The following TAB1 variants were observed in gnomAD, a reference collection of about 807,000 sequenced individuals.
TAB1 encodes the protein TGF-beta activated kinase 1 (MAP3K7) binding protein 1, also known as TGF-beta-activated kinase 1 and MAP3K7-binding protein 1.
Under a neutral mutation model 54.5 loss-of-function variants are expected in TAB1, and 30 were observed. The observed-to-expected ratio is 0.55, with a 90% confidence interval of 0.41 to 0.75. The LOEUF is 0.75. Ranked by LOEUF, TAB1 falls within the 30% of genes least tolerant of loss-of-function variation. The pLI is 0.00. For missense variants in TAB1, 609 were observed against 683.2 expected (o/e 0.89, Z 1.21); for synonymous variants, 289 against 286.9 (o/e 1.01, Z -0.07).
In TAB1 at chr22:39,415,535, A is replaced by T. The variant is rs751892971; in HGVS notation, c.206A>T (p.Asn69Ile). The T allele has an allele frequency of 6.2e-7, 1 of 1,614,048 alleles. No individual in the cohort carries two copies. The highest frequency in any genetic ancestry group is 8.5e-7 in the Non-Finnish European group (1 of 1,180,020). Reference sequence around the variant, plus strand: ...AACTGCTTCCTGTATGGGGTCTTCAACGGCTATGATGGCAACCGAGTGACC... The same window carrying T: ...AACTGCTTCCTGTATGGGGTCTTCATCGGCTATGATGGCAACCGAGTGACC... ...ENNCFLYGVF[N>I]GYDGNRVTNF... The change falls in exon 3 of 11, where the codon AAC becomes ATC. Residue 69 changes from asparagine to isoleucine, a missense_variant. Transcript: ENST00000216160. This position sits in a 1 kb window ranked among gnomAD's most constrained non-coding sequence, Gnocchi z 4.9.
In TAB1 at chr22:39,430,586, C is replaced by T. The variant is rs189572527; in HGVS notation, c.*364C>T. 323 of 1,145,860 alleles carry T rather than the reference C, an allele frequency of 2.8e-4. 3 individuals are homozygous for T. The East Asian group carries it at 0.016, about 58-fold the overall frequency. The allele number at this position is 1,145,860 out of a possible 1,614,324, so 71.0% of individuals were successfully genotyped here. On this transcript the variant is annotated 3_prime_UTR_variant, in exon 11 of 11. Transcript: ENST00000216160. ...GGCGCCCTGTGAACCCTGAGTGTTG[C>T]AGGCCCAGCAGACCCTGCTGTCCCA...
intron 7 of TAB1, among the ~76,000 whole-genome samples, chr22:39,421,348 A>G (rs189848612): frequency 1.3e-5 from 2 of 151,974 alleles, no homozygotes; most frequent in Non-Finnish European, 2.9e-5. Flanking sequence ...TCATGTACTT[A>G]CCTCCATGTG....
chr22:39,405,358 C>G (rs1010759182), intron 1 of TAB1, among the ~76,000 whole-genome samples: 3 of 152,200 alleles, frequency 2.0e-5, no homozygotes, highest in Admixed American at 6.6e-5. Flanking sequence ...AAAATTAGGT[C>G]TTTTGAAACA....
chr22:39,429,329 A>T (rs1568987876), intron 10 of TAB1: 1 of 985,214 alleles, frequency 1.0e-6, no homozygotes, highest in Non-Finnish European at 1.2e-6. Context: ...CTGGGTTGGG[A>T]CGGGTTTAGA....
chr22:39,426,405 C>A (rs892907709), intron 8 of TAB1, among the ~76,000 whole-genome samples: 9 of 152,332 alleles, frequency 5.9e-5, no homozygotes, highest in African/African-American at 2.2e-4. Context: ...AGTGCTCTCA[C>A]ACCACTGTTA....
chr22:39,434,559 G>A (rs1463487395), downstream of TAB1, among the ~76,000 whole-genome samples: 1 of 152,266 alleles, frequency 6.6e-6, no homozygotes, highest in African/African-American at 2.4e-5. Context: ...CCCACGCGGA[G>A]GTGATGTCAG....
At chr22:39,421,611 C>T in intron 7 of TAB1, 1 of 580,676 alleles carries the variant, frequency 1.7e-6, no homozygotes, top group Non-Finnish European at 3.0e-6. Context: ...ACCTCAGCTG[C>T]CTGCCAGTTT....
At chr22:39,409,536 C>T (rs1926519183) in intron 1 of TAB1, among the ~76,000 whole-genome samples, 1 of 152,222 alleles carries the variant, frequency 6.6e-6, no homozygotes, top group Non-Finnish European at 1.5e-5. Context: ...ACTAGAGAGG[C>T]CACACCAGCC....
At chr22:39,403,765 A>C (rs555719984) in intron 1 of TAB1, among the ~76,000 whole-genome samples, 2 of 151,448 alleles carry the variant, frequency 1.3e-5, no homozygotes, top group East Asian at 3.9e-4. Context: ...CAGCCTCCCA[A>C]GTAGCTGGGA....
At position 39,399,847 on chromosome 22, in the gene TAB1, G is replaced by T. The variant is rs147943219; in HGVS notation, c.33+12G>T. 1 of 1,594,142 alleles carries T rather than the reference G, an allele frequency of 6.3e-7. No homozygotes were observed. The highest frequency in any genetic ancestry group is 8.5e-7 in the Non-Finnish European group (1 of 1,170,744). ...GCTTGCTGCAGAGTGTGAGGAACAG[G>T]CCCGCTCTCTGGGCTTGGGGTTGGG... On this transcript the variant is annotated intron_variant, in intron 1 of 10. Transcript: ENST00000216160.
chr22:39,416,764 C>G lies in TAB1; in HGVS notation c.325-27C>G, dbSNP rs34571268. On this transcript the variant is annotated intron_variant, in intron 3 of 10. Transcript: ENST00000216160. ...CAGTGACAGTGGTGTTTTGAACCAG[C>G]CTTTGCCCTGTCCTGTGTCCCCCTA... 3,748 of 1,610,252 alleles carry G rather than the reference C, an allele frequency of 2.3e-3. 82 individuals are homozygous for G. In the African/African-American group the frequency reaches 0.039, roughly 17 times the overall value.
intron 1 of TAB1, among the ~76,000 whole-genome samples, chr22:39,412,681 C>T (rs529706174): frequency 6.6e-4 from 100 of 152,218 alleles, no homozygotes; most frequent in Non-Finnish European, 1.1e-3. Context: ...ACAGAAGCTA[C>T]AATTTGCCAC....
At chr22:39,406,363 C>T (rs1601683422) in intron 1 of TAB1, among the ~76,000 whole-genome samples, 1 of 142,274 alleles carries the variant, frequency 7.0e-6, no homozygotes, top group Non-Finnish European at 1.5e-5. Flanking sequence ...CGCGCCACTG[C>T]ACTCCAGCCT....
intron 5 of TAB1, 123 bp downstream of exon 5, chr22:39,417,972 A>G (rs1926912667): frequency 7.8e-7 from 1 of 1,277,568 alleles, no homozygotes; most frequent in African/African-American, 1.5e-5. Flanking sequence ...GTCTCCTGAG[A>G]CCGTTGGGTA....
At chr22:39,433,205 A>G (rs1379631872), downstream of TAB1, 1 of 983,828 alleles carries the variant, frequency 1.0e-6, no homozygotes, top group African/African-American at 1.7e-5. Context: ...TAATCCCAGC[A>G]CTTTCAGAGG....
rs1361776601 is a variant in TAB1, at chr22:39,431,493, C to T, written c.*1271C>T. 1.2e-5 allele frequency: 12 copies of T among 985,636 alleles called. No individual in the cohort carries two copies. The highest frequency in any genetic ancestry group is 1.7e-5 in the African/African-American group (1 of 57,260). 61.1% of individuals were successfully genotyped at this position (985,636 alleles called of 1,614,324 possible). The stretch of plus-strand genomic sequence containing the variant: ...TCTCCCTGCCCCCCATGCCCCAGAC[C>T]GGCCCACCAGGGACTAGCCGCTGTC... On this transcript the variant is annotated 3_prime_UTR_variant, in exon 11 of 11. Coordinates refer to ENST00000216160, the MANE Select transcript of TAB1 (RefSeq NM_006116.3).
intron 1 of TAB1, among the ~76,000 whole-genome samples, chr22:39,408,011 C>T (rs1461574451): frequency 2.0e-5 from 3 of 152,178 alleles, no homozygotes; most frequent in Non-Finnish European, 4.4e-5. Context: ...AGAAAGGAGC[C>T]ATCAGTTTCT....
chr22:39,429,688 G>A (rs1195781894), intron 10 of TAB1: 1 of 393,418 alleles, frequency 2.5e-6, no homozygotes, highest in African/African-American at 2.2e-5. Flanking sequence ...CACCGTGTTG[G>A]CCAGGCTGAT....
intron 8 of TAB1, among the ~76,000 whole-genome samples, chr22:39,422,494 C>T (rs1236225255): frequency 4.7e-5 from 7 of 148,732 alleles, no homozygotes; most frequent in Non-Finnish European, 7.4e-5. Context: ...CTGCAATCTC[C>T]GCCTCCCGGG....
Sources: allele counts gnomAD v4.1 joint callset (sites outside exome capture counted in the v4.1 genomes callset), GRCh38; gene constraint gnomAD v4.1.1; non-coding constraint Gnocchi (gnomAD v3.1); transcripts MANE v1.5; gene names NCBI Gene and HGNC (gene_info 2026-07-23, HGNC 2026-07-21).